CRADD: variants seen among roughly 807,000 people sequenced by gnomAD.
CRADD encodes the protein death domain-containing protein CRADD.
In CRADD, 9 loss-of-function variants were observed where a neutral mutation model predicts 15.5. That is an observed-to-expected ratio of 0.58 (90% CI 0.35 to 1.01). The LOEUF (loss-of-function observed/expected upper bound fraction) is 1.01, where lower values mean the gene tolerates loss of function less well. CRADD is among the 50% of genes least tolerant of loss of function. The pLI, the probability that CRADD is intolerant of heterozygous loss-of-function variation, is 0.02. For missense variants in CRADD, 227 were observed against 250.3 expected, an observed-to-expected ratio of 0.91 and a Z score of 0.63; for synonymous variants, 118 against 107.6, an observed-to-expected ratio of 1.10 and a Z score of -0.60.
At chr12:93,801,956 A>G (rs1957481151) in intron 2 of CRADD, among the ~76,000 whole-genome samples, 1 of 152,178 alleles carries the variant, frequency 6.6e-6, no homozygotes. Context: ...TTTGTTTTCC[A>G]TTCTTGAGTT....
intron 2 of CRADD, among the ~76,000 whole-genome samples, chr12:93,842,159 T>C (rs962448582): frequency 6.6e-6 from 1 of 152,194 alleles, no homozygotes; most frequent in Non-Finnish European, 1.5e-5. Context: ...TCAACTGTGC[T>C]TTTGAACCCT....
At chr12:93,708,942 G>A (rs1381475357) in intron 2 of CRADD, 7 of 152,368 alleles carry the variant, frequency 4.6e-5, no homozygotes, top group African/African-American at 1.7e-4. Flanking sequence ...GTTCATAGAC[G>A]GTACCTTGTT....
At chr12:93,731,265 A>G (rs560377014) in intron 2 of CRADD, among the ~76,000 whole-genome samples, 1 of 152,326 alleles carries the variant, frequency 6.6e-6, no homozygotes, top group East Asian at 1.9e-4. Flanking sequence ...AGTTGAAAAA[A>G]GTATTTAAAA....
chr12:93,779,397 T>A (rs1957174648), intron 2 of CRADD, among the ~76,000 whole-genome samples: 1 of 152,106 alleles, frequency 6.6e-6, no homozygotes, highest in Non-Finnish European at 1.5e-5. Flanking sequence ...CATAACCAAA[T>A]AGTAGTGGTG....
chr12:93,708,079 C>G (rs1038209637), intron 2 of CRADD: 2 of 152,182 alleles, frequency 1.3e-5, no homozygotes, highest in African/African-American at 4.8e-5. Context: ...AGAAAAGATT[C>G]TAAGAGATTA....
At chr12:93,768,972 A>G (rs1957054809) in intron 2 of CRADD, among the ~76,000 whole-genome samples, 1 of 152,128 alleles carries the variant, frequency 6.6e-6, no homozygotes, top group Non-Finnish European at 1.5e-5. Flanking sequence ...AGATTCATCC[A>G]TGTTTTTCAC....
intron 2 of CRADD, among the ~76,000 whole-genome samples, chr12:93,752,917 A>G (rs1956843719): frequency 6.6e-6 from 1 of 152,252 alleles, no homozygotes; most frequent in South Asian, 2.1e-4. Flanking sequence ...ACATGGTGGC[A>G]GACAAGAGAA....
At chr12:93,875,250 T>TG (rs1387866335) in intron 2 of CRADD, among the ~76,000 whole-genome samples, 4 of 124,332 alleles carry the variant, frequency 3.2e-5, no homozygotes, top group Non-Finnish European at 7.6e-5. Context: ...TGCTGATTTT[T>TG]GTTTTTTTTC....
chr12:93,808,811 T>C (rs1406383442), intron 2 of CRADD, among the ~76,000 whole-genome samples: 5 of 152,150 alleles, frequency 3.3e-5, no homozygotes, highest in Admixed American at 3.3e-4. Context: ...AGACTGACCA[T>C]GTTCCTAGGA....
chr12:93,861,953 G>A (rs764547389), intron 2 of CRADD, among the ~76,000 whole-genome samples: 8 of 152,066 alleles, frequency 5.3e-5, no homozygotes, highest in Non-Finnish European at 8.8e-5. Flanking sequence ...TCATGGGGTC[G>A]GTTTCCCCCA....
chr12:93,853,791 G>A (rs187786108), downstream of CRADD, among the ~76,000 whole-genome samples: 6 of 152,288 alleles, frequency 3.9e-5, no homozygotes, highest in African/African-American at 1.2e-4. Context: ...GTGATGGCAC[G>A]CTTATGAAGG....
chr12:93,808,934 GA>G (rs1957584720), intron 2 of CRADD, among the ~76,000 whole-genome samples: 1 of 151,746 alleles, frequency 6.6e-6, no homozygotes, highest in Non-Finnish European at 1.5e-5. Context: ...TTTTTTTTGA[GA>G]TTGAGTTTCA....
chr12:93,722,765 T>C (rs901807697), intron 2 of CRADD, among the ~76,000 whole-genome samples: 1 of 152,210 alleles, frequency 6.6e-6, no homozygotes, highest in Non-Finnish European at 1.5e-5. Flanking sequence ...AAATTAACCA[T>C]AGTTGTTTTA....
At chr12:93,892,760 A>C (rs1279684580) in intron 2 of CRADD, among the ~76,000 whole-genome samples, 3 of 151,960 alleles carry the variant, frequency 2.0e-5, no homozygotes, top group African/African-American at 7.3e-5. Flanking sequence ...ACTTTCATGG[A>C]TACCTTCTTG....
intron 2 of CRADD, among the ~76,000 whole-genome samples, chr12:93,709,763 G>A (rs981428432): frequency 9.9e-5 from 15 of 152,052 alleles, no homozygotes; most frequent in African/African-American, 2.7e-4. Context: ...ATTTATATTC[G>A]TCTGGCTATA....
chr12:93,795,503 G>A (rs1159244745), intron 2 of CRADD, among the ~76,000 whole-genome samples: 1 of 152,120 alleles, frequency 6.6e-6, no homozygotes, highest in Non-Finnish European at 1.5e-5. Context: ...ATGGCTGCTC[G>A]CACGTCCTCT....
At chr12:93,814,985 G>A (rs1028416225) in intron 2 of CRADD, among the ~76,000 whole-genome samples, 1 of 152,170 alleles carries the variant, frequency 6.6e-6, no homozygotes, top group East Asian at 1.9e-4. Context: ...ACCCCCTTGG[G>A]TGCTGGTAGC....
intron 2 of CRADD, among the ~76,000 whole-genome samples, chr12:93,891,440 TTG>T (rs1253855789): frequency 1.3e-5 from 2 of 152,178 alleles, no homozygotes; most frequent in Non-Finnish European, 2.9e-5. Context: ...TGAGCCGAGA[TTG>T]TGTCACTGCA....
At chr12:93,884,597 G>A (rs1368648004) in intron 2 of CRADD, among the ~76,000 whole-genome samples, 2 of 152,156 alleles carry the variant, frequency 1.3e-5, no homozygotes, top group African/African-American at 4.8e-5. Flanking sequence ...CCTGTGTGGT[G>A]AGCTGGGATT....
Sources: allele counts gnomAD v4.1 joint callset (sites outside exome capture counted in the v4.1 genomes callset), GRCh38; gene constraint gnomAD v4.1.1; transcripts MANE v1.5; gene names NCBI Gene and HGNC (gene_info 2026-07-23, HGNC 2026-07-21).